Variants in NCKAP5 observed in about 807,000 individuals in gnomAD.
NCKAP5 encodes nck-associated protein 5.
NCKAP5 carries 92 observed loss-of-function variants against 167.0 expected under a neutral mutation model. The observed-to-expected ratio is 0.55, with a 90% CI of 0.47 to 0.66. NCKAP5 has a LOEUF of 0.66. Ranked by LOEUF, NCKAP5 falls within the 30% of genes least tolerant of loss-of-function variation. NCKAP5 has a pLI of 0.00. For missense variants in NCKAP5, 2,378 were observed against 2,315.0 expected (o/e 1.03, Z -0.56); for synonymous variants, 891 against 877.4 (o/e 1.02, Z -0.27).
intron 7 of NCKAP5, among the ~76,000 whole-genome samples, chr2:132,991,707 A>T (rs1486731295): frequency 6.6e-6 from 1 of 152,186 alleles, no homozygotes; most frequent in Non-Finnish European, 1.5e-5. Context: ...CAGCTTTCCC[A>T]GGGGCCTAAG....
chr2:132,963,337 A>G (rs2076573144), intron 8 of NCKAP5, among the ~76,000 whole-genome samples: 2 of 152,164 alleles, frequency 1.3e-5, no homozygotes, highest in Non-Finnish European at 2.9e-5. Context: ...GTGTCCAATC[A>G]TCTTTACATA....
At chr2:133,018,465 G>A (rs144666514) in intron 6 of NCKAP5, among the ~76,000 whole-genome samples, 6 of 152,160 alleles carry the variant, frequency 3.9e-5, no homozygotes, top group Admixed American at 2.6e-4. Flanking sequence ...AGACAGTCTG[G>A]GTTTAAGTCT....
intron 16 of NCKAP5, among the ~76,000 whole-genome samples, chr2:132,755,778 C>A (rs1181524469): frequency 2.0e-5 from 3 of 150,996 alleles, no homozygotes; most frequent in African/African-American, 7.3e-5. Context: ...GTGCAGTGAG[C>A]CGAGATCGTG....
chr2:133,374,045 C>T (rs1685977485), intron 3 of NCKAP5, among the ~76,000 whole-genome samples: 2 of 152,176 alleles, frequency 1.3e-5, no homozygotes, highest in African/African-American at 4.8e-5. Flanking sequence ...ATGTCCATAC[C>T]AAAACCTCCA....
At chr2:133,237,680 A>C (rs2087486931) in intron 4 of NCKAP5, among the ~76,000 whole-genome samples, 1 of 152,238 alleles carries the variant, frequency 6.6e-6, no homozygotes. Context: ...ACTGCAAAGA[A>C]AAATGTTACT....
chr2:132,823,908 C>T (rs1252298537), intron 11 of NCKAP5, among the ~76,000 whole-genome samples: 1 of 152,000 alleles, frequency 6.6e-6, no homozygotes, highest in Non-Finnish European at 1.5e-5. Context: ...ACAAAACATA[C>T]TTTAAAGCAA....
At chr2:133,213,630 C>T in intron 5 of NCKAP5, 86 bp downstream of exon 5, 6 of 1,301,040 alleles carry the variant, frequency 4.6e-6, no homozygotes, top group East Asian at 2.4e-5. Flanking sequence ...AAATATTTTC[C>T]TTAGATATCC....
At chr2:133,233,198 C>T (rs906069874) in intron 4 of NCKAP5, among the ~76,000 whole-genome samples, 3 of 152,138 alleles carry the variant, frequency 2.0e-5, no homozygotes, top group African/African-American at 7.2e-5. Flanking sequence ...CTTAATTCAG[C>T]ATTATATTCA....
chr2:133,531,890 CTCTTT>C (rs1386224083), intron 2 of NCKAP5, among the ~76,000 whole-genome samples: 7 of 152,224 alleles, frequency 4.6e-5, no homozygotes, highest in African/African-American at 9.6e-5. Context: ...AATCTTTCCT[CTCTTT>C]TAAGTAATAA....
rs12691829 is a variant in NCKAP5, at chr2:132,783,871, T to C, written c.2940A>G (p.Pro980=). The change falls in exon 14 of 20, where the codon CCA becomes CCG. Residue 980 remains proline (P), a synonymous_variant. Coordinates refer to ENST00000409261, the MANE Select transcript of NCKAP5 (RefSeq NM_207363.3). ...KSPLLKGISA[P]VISSNPATTE... Reference sequence around the variant, plus strand: ...TCGTGGCCGGATTAGAAGAAATAACTGGAGCAGAAATTCCTTTCAGCAGCG... The same window carrying C: ...TCGTGGCCGGATTAGAAGAAATAACCGGAGCAGAAATTCCTTTCAGCAGCG... 854,251 of 1,529,586 alleles carry C rather than the reference T, an allele frequency of 0.56. 245,493 individuals carry two copies. The highest frequency in any genetic ancestry group is 0.91 in the East Asian group (39,940 of 44,118). The allele number at this position is 1,529,586 out of a possible 1,614,324, so 94.8% of individuals were successfully genotyped here. A position where few individuals can be genotyped will look rare whatever the true frequency, so the allele number is the denominator to read the frequency against.
chr2:133,518,090 A>C (rs1684163847), intron 2 of NCKAP5, among the ~76,000 whole-genome samples: 1 of 152,186 alleles, frequency 6.6e-6, no homozygotes, highest in Non-Finnish European at 1.5e-5. Flanking sequence ...ACATTGTAAG[A>C]TACATTCCTT....
the NCKAP5 span, among the ~76,000 whole-genome samples, chr2:133,616,571 C>G: frequency 6.6e-6 from 1 of 152,044 alleles, no homozygotes; most frequent in Admixed American, 6.6e-5. Context: ...ATAAATTCCT[C>G]GACACACACA....
At chr2:133,158,475 T>C (rs1352546141) in intron 5 of NCKAP5, among the ~76,000 whole-genome samples, 1 of 152,196 alleles carries the variant, frequency 6.6e-6, no homozygotes, top group Non-Finnish European at 1.5e-5. Context: ...TTGTGCTGCA[T>C]TCATTCACTT....
chr2:133,351,572 C>T (rs1036927653), intron 3 of NCKAP5, among the ~76,000 whole-genome samples: 3 of 152,138 alleles, frequency 2.0e-5, no homozygotes, highest in Admixed American at 6.5e-5. Context: ...GTTTCAAAGA[C>T]ATCATTTCCT....
At chr2:133,117,345 C>A (rs1053196660) in intron 6 of NCKAP5, 1 of 152,184 alleles carries the variant, frequency 6.6e-6, no homozygotes, top group African/African-American at 2.4e-5. Flanking sequence ...TCTAAGAGTT[C>A]TTTCCTCATG....
the NCKAP5 span, among the ~76,000 whole-genome samples, chr2:133,597,895 G>A: frequency 6.6e-6 from 1 of 152,032 alleles, no homozygotes; most frequent in Non-Finnish European, 1.5e-5. Flanking sequence ...ATTCTGCGAT[G>A]TTCTCATCTC....
chr2:133,147,186 GT>G (rs569533713), intron 5 of NCKAP5, among the ~76,000 whole-genome samples: 42 of 152,236 alleles, frequency 2.8e-4, no homozygotes, highest in African/African-American at 9.9e-4. Flanking sequence ...TTTGAAGAGT[GT>G]TGAACTAATC....
intron 5 of NCKAP5, among the ~76,000 whole-genome samples, chr2:133,184,082 A>T (rs2084844513): frequency 6.6e-6 from 1 of 152,106 alleles, no homozygotes; most frequent in African/African-American, 2.4e-5. Flanking sequence ...TAGTGAGCAC[A>T]GTACCCAACA....
chr2:133,132,675 ATTTTT>A (rs35497758), intron 5 of NCKAP5, among the ~76,000 whole-genome samples: 59 of 139,318 alleles, frequency 4.2e-4, no homozygotes, highest in African/African-American at 1.5e-3. Flanking sequence ...TTTGTACCCA[ATTTTT>A]TTTTTTTTTT....
Sources: gnomAD v4.1 joint callset for allele counts (sites outside exome capture counted in the v4.1 genomes callset) on GRCh38, gnomAD v4.1.1 for gene constraint, MANE v1.5 for transcripts, NCBI Gene and HGNC (gene_info 2026-07-23, HGNC 2026-07-21) for gene names.